The following RBFOX1 variants were observed in gnomAD, a reference collection of about 807,000 sequenced individuals.
RBFOX1 encodes RNA binding protein fox-1 homolog 1.
A neutral mutation model predicts 57.7 loss-of-function variants in RBFOX1; 8 were observed. The ratio of observed to expected loss-of-function variants is 0.14; its 90% CI spans 0.08 to 0.25. The LOEUF is 0.25. Ranked by LOEUF, RBFOX1 falls within the 10% of genes least tolerant of loss-of-function variation. The pLI is 1.00. For synonymous variants in RBFOX1, 326 were observed against 222.4 expected (o/e 1.47, Z -4.15); for missense variants, 611 against 548.5 (o/e 1.11, Z -1.14).
chr16:5,420,857 TTCCTCCTCC>T (rs1222907205), intron 1 of RBFOX1, among the ~76,000 whole-genome samples: 1 of 137,222 alleles, frequency 7.3e-6, no homozygotes. Context: ...CCACCTCCTC[TTCCTCCTCC>T]TCCTCTCCCT....
chr16:6,934,792 A>G (rs1277401310), intron 3 of RBFOX1, among the ~76,000 whole-genome samples: 3 of 152,116 alleles, frequency 2.0e-5, no homozygotes, highest in Non-Finnish European at 2.9e-5. Context: ...TATCACTTGA[A>G]TGGTCAATTT....
At chr16:5,786,470 G>C (rs1430952675) in intron 3 of RBFOX1, among the ~76,000 whole-genome samples, 2 of 152,154 alleles carry the variant, frequency 1.3e-5, no homozygotes, top group Admixed American at 1.3e-4. Context: ...ACAAGAGAGT[G>C]TAACGAAGGC....
At chr16:7,068,688 G>C (rs558122755) in intron 4 of RBFOX1, among the ~76,000 whole-genome samples, 2 of 152,216 alleles carry the variant, frequency 1.3e-5, no homozygotes, top group East Asian at 3.9e-4. Context: ...TCCGGGTTCA[G>C]GAGATTCTCC....
intron 4 of RBFOX1, among the ~76,000 whole-genome samples, chr16:7,215,684 C>A (rs184826222): frequency 6.6e-6 from 1 of 151,712 alleles, no homozygotes. Flanking sequence ...GCTAGGCCAC[C>A]ACTAATCTAT....
chr16:5,708,936 C>G (rs906701488), intron 3 of RBFOX1, among the ~76,000 whole-genome samples: 1 of 152,156 alleles, frequency 6.6e-6, no homozygotes, highest in Non-Finnish European at 1.5e-5. Context: ...GGAATGAAAA[C>G]AAGAACAAGA....
intron 3 of RBFOX1, among the ~76,000 whole-genome samples, chr16:6,688,273 A>G (rs1230568854): frequency 6.6e-6 from 1 of 152,114 alleles, no homozygotes; most frequent in African/African-American, 2.4e-5. Flanking sequence ...GTAAACAACC[A>G]CATCTCATGA....
At chr16:7,142,768 A>T (rs531634095) in intron 4 of RBFOX1, among the ~76,000 whole-genome samples, 4 of 152,144 alleles carry the variant, frequency 2.6e-5, no homozygotes, top group African/African-American at 9.7e-5. Flanking sequence ...GACATTCCCA[A>T]TGCCTTACAC....
At chr16:5,355,628 G>T (rs4786677) in intron 1 of RBFOX1, among the ~76,000 whole-genome samples, 1 of 152,042 alleles carries the variant, frequency 6.6e-6, no homozygotes, top group South Asian at 2.1e-4. Context: ...GAAGGGGCCT[G>T]TAGTGGGTTG....
At chr16:5,554,090 C>T (rs2045577497) in intron 2 of RBFOX1, among the ~76,000 whole-genome samples, 1 of 151,648 alleles carries the variant, frequency 6.6e-6, no homozygotes, top group African/African-American at 2.4e-5. Context: ...CTGCCTTAAT[C>T]CTCCCGAGTA....
chr16:6,997,377 C>T (rs779000206), intron 3 of RBFOX1, among the ~76,000 whole-genome samples: 7 of 152,126 alleles, frequency 4.6e-5, no homozygotes, highest in Middle Eastern at 3.2e-3. Flanking sequence ...AATTGTCAAC[C>T]TATGTTGAAA....
intron 4 of RBFOX1, among the ~76,000 whole-genome samples, chr16:7,246,071 T>G (rs151338862): frequency 6.6e-6 from 1 of 152,226 alleles, no homozygotes; most frequent in East Asian, 1.9e-4. Flanking sequence ...CTGTTAAGTA[T>G]GTTTTTACTT....
intron 14 of RBFOX1, among the ~76,000 whole-genome samples, chr16:7,705,156 G>A (rs991761972): frequency 6.6e-6 from 1 of 152,118 alleles, no homozygotes; most frequent in Admixed American, 6.6e-5. Context: ...GGTGGAGGGT[G>A]AGCAAGTGCC....
At chr16:5,719,717 C>T (rs966663888) in intron 3 of RBFOX1, among the ~76,000 whole-genome samples, 1 of 152,114 alleles carries the variant, frequency 6.6e-6, no homozygotes, top group Non-Finnish European at 1.5e-5. Context: ...GAAGCTTCAT[C>T]TCTGCTGTAG....
intron 5 of RBFOX1, among the ~76,000 whole-genome samples, chr16:7,537,352 C>T (rs905583635): frequency 6.6e-6 from 1 of 152,160 alleles, no homozygotes; most frequent in African/African-American, 2.4e-5. Flanking sequence ...GGTATAGTCC[C>T]TTGTAATTTA....
At chr16:5,654,306 T>C (rs986967179) in intron 3 of RBFOX1, among the ~76,000 whole-genome samples, 1 of 152,222 alleles carries the variant, frequency 6.6e-6, no homozygotes, top group African/African-American at 2.4e-5. Context: ...GAGCCAAGTG[T>C]TGAATTCTCA....
At chr16:6,074,530 G>C (rs185786364) in intron 1 of RBFOX1, among the ~76,000 whole-genome samples, 32 of 152,320 alleles carry the variant, frequency 2.1e-4, no homozygotes, top group Admixed American at 1.8e-3. Context: ...TATGATGCTT[G>C]TTAAAGACAG....
At chr16:6,237,426 C>T (rs59559170) in intron 1 of RBFOX1, among the ~76,000 whole-genome samples, 28,751 of 152,042 alleles carry the variant, frequency 0.19, 3,261 homozygotes, top group African/African-American at 0.32. Context: ...AGCCAACGTG[C>T]CTCAGGTTAC....
At chr16:6,309,079 G>A (rs1421672839) in intron 1 of RBFOX1, among the ~76,000 whole-genome samples, 1 of 151,966 alleles carries the variant, frequency 6.6e-6, no homozygotes, top group Non-Finnish European at 1.5e-5. Flanking sequence ...GGTCTCATGT[G>A]TATATTTCCT....
intron 2 of RBFOX1, among the ~76,000 whole-genome samples, chr16:6,382,074 T>C (rs1462520692): frequency 6.6e-6 from 1 of 152,256 alleles, no homozygotes; most frequent in Non-Finnish European, 1.5e-5. Flanking sequence ...CTTGATGATA[T>C]GTAAACAGAT....
Sources: gnomAD v4.1 joint callset for allele counts (sites outside exome capture counted in the v4.1 genomes callset) on GRCh38, gnomAD v4.1.1 for gene constraint, MANE v1.5 for transcripts, NCBI Gene and HGNC (gene_info 2026-07-23, HGNC 2026-07-21) for gene names.